Variants in RIMS2 observed in about 807,000 individuals in gnomAD.
RIMS2 encodes the protein regulating synaptic membrane exocytosis 2, also known as regulating synaptic membrane exocytosis protein 2.
RIMS2 carries 59 observed loss-of-function variants against 174.4 expected under a neutral mutation model. That is an observed-to-expected ratio of 0.34 (90% CI 0.27 to 0.42). The LOEUF is 0.42. Ranked by LOEUF, RIMS2 falls within the 10% of genes least tolerant of loss-of-function variation. The probability of loss-of-function intolerance (pLI) is 1.00; values close to 1 mark genes in which losing one functional copy is unlikely to be tolerated. For synonymous variants in RIMS2, 606 were observed against 572.5 expected, an observed-to-expected ratio of 1.06 and a Z score of -0.84; for missense variants, 1,620 against 1,666.3, an observed-to-expected ratio of 0.97 and a Z score of 0.48.
chr8:103,783,520 G>T (rs2098412275), intron 3 of RIMS2, among the ~76,000 whole-genome samples: 1 of 151,380 alleles, frequency 6.6e-6, no homozygotes, highest in Admixed American at 6.6e-5. Flanking sequence ...AATATGTGGT[G>T]TTTGGTTTTT....
At chr8:103,648,070 C>G (rs775373038) in intron 1 of RIMS2, among the ~76,000 whole-genome samples, 6 of 151,692 alleles carry the variant, frequency 4.0e-5, no homozygotes, top group Non-Finnish European at 8.8e-5. Flanking sequence ...TATAAATTTC[C>G]CCCCTAACAC....
chr8:103,811,661 G>A (rs181589193), intron 3 of RIMS2, among the ~76,000 whole-genome samples: 71 of 152,268 alleles, frequency 4.7e-4, no homozygotes, highest in African/African-American at 1.6e-3. Flanking sequence ...GGCCAGGCTG[G>A]TCTCAAACTC....
intron 1 of RIMS2, among the ~76,000 whole-genome samples, chr8:103,630,722 C>A (rs2095897238): frequency 6.6e-6 from 1 of 151,090 alleles, no homozygotes; most frequent in African/African-American, 2.4e-5. Flanking sequence ...GTGCCAAAAA[C>A]AGTATAGATA....
intron 1 of RIMS2, among the ~76,000 whole-genome samples, chr8:103,598,793 A>T (rs1431221958): frequency 6.6e-6 from 1 of 152,164 alleles, no homozygotes; most frequent in African/African-American, 2.4e-5. Context: ...CTTGTTCCAA[A>T]AGTAAATAGG....
At chr8:103,824,447 T>C (rs191309954) in intron 3 of RIMS2, among the ~76,000 whole-genome samples, 40 of 152,246 alleles carry the variant, frequency 2.6e-4, no homozygotes, top group African/African-American at 8.7e-4. Flanking sequence ...TCATCCACAA[T>C]TTTAGTTTTG....
At chr8:103,621,887 A>G (rs551630084) in intron 1 of RIMS2, among the ~76,000 whole-genome samples, 1 of 152,212 alleles carries the variant, frequency 6.6e-6, no homozygotes, top group Admixed American at 6.5e-5. Context: ...TATTGTTTCT[A>G]AGTACCTAAG....
chr8:104,006,411 G>A (rs1421961314), intron 17 of RIMS2, among the ~76,000 whole-genome samples: 10 of 152,106 alleles, frequency 6.6e-5, no homozygotes, highest in East Asian at 3.9e-4. Flanking sequence ...TTAGCCGGGC[G>A]TGGTGGTGCA....
intron 19 of RIMS2, among the ~76,000 whole-genome samples, chr8:104,139,681 C>G (rs2098550567): frequency 6.6e-6 from 1 of 152,038 alleles, no homozygotes; most frequent in Middle Eastern, 3.4e-3. Context: ...TAGGTTTTTC[C>G]AAATATAAAA....
At chr8:103,593,353 T>A (rs1455257760) in intron 1 of RIMS2, among the ~76,000 whole-genome samples, 1 of 151,484 alleles carries the variant, frequency 6.6e-6, no homozygotes, top group Non-Finnish European at 1.5e-5. Context: ...TGCACATGGG[T>A]AAAAGACCTA....
intron 3 of RIMS2, among the ~76,000 whole-genome samples, chr8:103,767,754 A>G (rs1164864785): frequency 2.0e-5 from 3 of 152,184 alleles, no homozygotes; most frequent in Non-Finnish European, 4.4e-5. Flanking sequence ...AAAGAAAACA[A>G]TGACTGCACC....
intron 2 of RIMS2, among the ~76,000 whole-genome samples, chr8:103,751,506 C>T (rs961409043): frequency 6.6e-6 from 1 of 151,596 alleles, no homozygotes; most frequent in Non-Finnish European, 1.5e-5. Flanking sequence ...GTTCTAGATC[C>T]CTGAGGAATC....
At chr8:103,891,430 C>G (rs1322042512) in intron 4 of RIMS2, among the ~76,000 whole-genome samples, 1 of 151,996 alleles carries the variant, frequency 6.6e-6, no homozygotes, top group Non-Finnish European at 1.5e-5. Context: ...AGATTCTGAA[C>G]TTTTCATTAG....
At chr8:103,500,876 C>T (rs535148099) in exon 1 of RIMS2, 20 of 1,579,678 alleles carry the variant, frequency 1.3e-5, no homozygotes, top group East Asian at 2.3e-5. Flanking sequence ...GGTGGTTCGG[C>T]TCCACCAAAC....
chr8:103,938,048 T>A (rs1000643871), intron 13 of RIMS2, among the ~76,000 whole-genome samples: 7 of 152,070 alleles, frequency 4.6e-5, no homozygotes, highest in Non-Finnish European at 7.4e-5. Flanking sequence ...GGTCTCATCA[T>A]CTTGCCCAGT....
chr8:104,178,013 T>C (rs1451415792), intron 19 of RIMS2, among the ~76,000 whole-genome samples: 1 of 152,180 alleles, frequency 6.6e-6, no homozygotes, highest in East Asian at 1.9e-4. Flanking sequence ...AGCTAGAGTC[T>C]AGGAGACTCT....
chr8:103,954,528 G>C (rs1224112097), intron 14 of RIMS2, among the ~76,000 whole-genome samples: 1 of 152,176 alleles, frequency 6.6e-6, no homozygotes, highest in East Asian at 1.9e-4. Flanking sequence ...AATGAAGGCA[G>C]AAATAAAGAT....
At chr8:103,741,178 G>T (rs1292458171) in intron 2 of RIMS2, among the ~76,000 whole-genome samples, 1 of 151,912 alleles carries the variant, frequency 6.6e-6, no homozygotes, top group African/African-American at 2.4e-5. Context: ...TTCATTTCTT[G>T]ATGAGACAAA....
At chr8:103,749,257 A>G (rs2097856889) in intron 2 of RIMS2, among the ~76,000 whole-genome samples, 1 of 151,726 alleles carries the variant, frequency 6.6e-6, no homozygotes, top group Non-Finnish European at 1.5e-5. Context: ...GACTACAGGC[A>G]TCCGCCAGCA....
chr8:104,249,615 A>C (rs1208154829), intron 22 of RIMS2, 27 bp downstream of exon 28: 1 of 1,233,614 alleles, frequency 8.1e-7, no homozygotes, highest in African/African-American at 1.5e-5. Context: ...TTTTTCTATT[A>C]TTGTCCATAA....
Sources: allele counts gnomAD v4.1 joint callset (sites outside exome capture counted in the v4.1 genomes callset), GRCh38; gene constraint gnomAD v4.1.1; transcripts MANE v1.5; gene names NCBI Gene and HGNC (gene_info 2026-07-23, HGNC 2026-07-21).